Variants in TRIM63 observed in about 807,000 individuals in gnomAD.
TRIM63 encodes the protein E3 ubiquitin-protein ligase TRIM63.
In TRIM63, 48 loss-of-function variants were observed where a neutral mutation model predicts 46.0. The observed-to-expected ratio is 1.04, with a 90% CI of 0.83 to 1.33. The LOEUF (loss-of-function observed/expected upper bound fraction) is 1.33. Among genes scored for constraint, TRIM63 ranks in the 40% most tolerant of loss-of-function variants. The probability of loss-of-function intolerance (pLI) is 0.00; values close to 1 mark genes in which losing one functional copy is unlikely to be tolerated. For missense variants in TRIM63, 455 were observed against 441.2 expected, an observed-to-expected ratio of 1.03 and a Z score of -0.28; for synonymous variants, 175 against 162.8, an observed-to-expected ratio of 1.08 and a Z score of -0.57.
intron 7 of TRIM63, among the ~76,000 whole-genome samples, chr1:26,054,580 AG>A (rs1196392651): frequency 6.6e-6 from 1 of 152,130 alleles, no homozygotes; most frequent in Non-Finnish European, 1.5e-5. Context: ...AAGCTTTAAC[AG>A]GGAACATCTC....
intron 2 of TRIM63, among the ~76,000 whole-genome samples, chr1:26,065,961 T>C (rs1352936805): frequency 6.6e-6 from 1 of 152,270 alleles, no homozygotes; most frequent in Non-Finnish European, 1.5e-5. Flanking sequence ...TTTTCTCTGC[T>C]GACCAGAGCC....
At chr1:26,063,593 C>T (rs1031053930) in intron 2 of TRIM63, among the ~76,000 whole-genome samples, 7 of 152,204 alleles carry the variant, frequency 4.6e-5, no homozygotes, top group African/African-American at 9.6e-5. Context: ...TTCATGCGCC[C>T]GCAGCCCTCC....
chr1:26,053,606 G>C (rs11587619), intron 8 of TRIM63, among the ~76,000 whole-genome samples: 2 of 152,206 alleles, frequency 1.3e-5, no homozygotes, highest in African/African-American at 4.8e-5. Context: ...GCCCAGCCTA[G>C]CTCATGAGCC....
At chr1:26,059,581 G>A (rs1266559522) in intron 4 of TRIM63, among the ~76,000 whole-genome samples, 1 of 152,070 alleles carries the variant, frequency 6.6e-6, no homozygotes, top group East Asian at 1.9e-4. Context: ...CATCAGACCG[G>A]GAGCCTCTCG....
At chr1:26,060,761 G>A (rs1038873831) in intron 3 of TRIM63, among the ~76,000 whole-genome samples, 5 of 152,238 alleles carry the variant, frequency 3.3e-5, no homozygotes, top group Non-Finnish European at 5.9e-5. Context: ...CACGGACAGG[G>A]TGGTGGGCCC....
In TRIM63 at chr1:26,057,317, C is replaced by T; in HGVS notation, c.865G>A (p.Ala289Thr). 3.7e-6 allele frequency: 6 copies of T among 1,614,124 alleles called. No individual in the cohort carries two copies. The highest frequency in any genetic ancestry group is 5.1e-6 in the Non-Finnish European group (6 of 1,180,012). Reference protein sequence around the residue: ...AKQLIKSIVEASKGCQLGKTE... With the variant: ...AKQLIKSIVETSKGCQLGKTE... ...TTCCCCAGCTGGCAGCCCTTGGAAG[C>T]TTCCACAATGCTGCAGGGGAGACAG... The change falls in exon 7 of 9, where the codon GCT (alanine) becomes ACT (threonine). Residue 289 changes from alanine (A) to threonine (T), a missense_variant. Physicochemically the swap from Ala to Thr is moderately conservative, Grantham distance 58. Transcript: ENST00000374272.
intron 1 of TRIM63, 143 bp downstream of exon 1, chr1:26,067,193 G>T: frequency 9.7e-7 from 1 of 1,035,110 alleles, no homozygotes; most frequent in Non-Finnish European, 1.4e-6. Context: ...CCCCCTCTCA[G>T]CCCTGTCCAG....
At position 26,061,426 on chromosome 1, in the gene TRIM63, G is replaced by A; in HGVS notation, c.333-92C>T. 3 of 1,390,238 alleles carry A rather than the reference G, an allele frequency of 2.2e-6. No homozygotes were observed. The South Asian group carries it at 3.9e-5, about 18-fold the overall frequency. The allele number at this position is 1,390,238 out of a possible 1,614,324, so 86.1% of individuals were successfully genotyped here. A position where few individuals can be genotyped will look rare whatever the true frequency, so the allele number is the denominator to read the frequency against. ...TGCACCAGTCGCAGCTACTGGGGAG[G>A]CTGAGGCAGGAGGATTGCTCAGCCC... On this transcript the variant is annotated intron_variant, in intron 2 of 8. Coordinates refer to ENST00000374272, the MANE Select transcript of TRIM63 (RefSeq NM_032588.4).
Position 26,066,330 on chromosome 1 carries a change from G to C in TRIM63, c.270C>G (p.Tyr90Ter). ...CCACCAGCAGGTTCCTCTGCAGGCCGTACACTCCGTGACGATCCATGATCA... is the reference window on the plus strand; with the variant it reads ...CCACCAGCAGGTTCCTCTGCAGGCCCTACACTCCGTGACGATCCATGATCA... ...HEVIMDRHGV[Y>*]GLQRNLLVEN... Residue 90 changes from tyrosine to a stop codon, truncating the protein, a stop_gained, in exon 2 of 9, where the codon TAC (tyrosine) becomes TAG (stop). Transcript: ENST00000374272. LOFTEE classifies it high-confidence loss of function. The C allele has an allele frequency of 6.2e-7, 1 of 1,614,120 alleles. No homozygotes were observed. Among genetic ancestry groups the C allele is most frequent in the East Asian group, 2.2e-5 (1 of 44,880 alleles).
At chr1:26,054,730 G>A (rs2124435884) in intron 7 of TRIM63, among the ~76,000 whole-genome samples, 1 of 152,208 alleles carries the variant, frequency 6.6e-6, no homozygotes, top group African/African-American at 2.4e-5. Flanking sequence ...ACTTTGGGAG[G>A]CTGAGGCGGT....
At chr1:26,052,113 G>A (rs2050527768) in intron 8 of TRIM63, among the ~76,000 whole-genome samples, 1 of 152,204 alleles carries the variant, frequency 6.6e-6, no homozygotes, top group African/African-American at 2.4e-5. Context: ...AACTGGATTG[G>A]AATTTAGTTT....
At chr1:26,054,933 A>G (rs942201246) in intron 7 of TRIM63, among the ~76,000 whole-genome samples, 1 of 149,238 alleles carries the variant, frequency 6.7e-6, no homozygotes, top group Non-Finnish European at 1.5e-5. Context: ...ACACCATTGC[A>G]CTCCAACCTG....
In TRIM63 at chr1:26,058,332, G is replaced by A. The variant is rs1569733982; in HGVS notation, c.831+58C>T. On this transcript the variant is annotated intron_variant, in intron 5 of 8. Transcript: ENST00000374272. ...GGTGGTCAGTGGGGAAGCATAACTT[G>A]AACCTTAGAGCTGTAGAGTTGAACT... The A allele has an allele frequency of 4.1e-6, 6 of 1,478,044 alleles. No individual in the cohort carries two copies. In the East Asian group the frequency reaches 1.4e-4, roughly 34 times the overall value. The allele number at this position is 1,478,044 out of a possible 1,614,324, so 91.6% of individuals were successfully genotyped here.
At position 26,060,308 on chromosome 1, in the gene TRIM63, C is replaced by A; in HGVS notation, c.555G>T (p.Gln185His). The change falls in exon 4 of 9, where the codon CAG becomes CAT. Residue 185 changes from glutamine (Q) to histidine (H), a missense_variant. Coordinates refer to ENST00000374272, the MANE Select transcript of TRIM63 (RefSeq NM_032588.4). The part of the protein sequence containing the change: ...SMLVAGNDRV[Q>H]TIITQLEDSR... Reference sequence around the variant, plus strand: ...AATCCTCCAGCTGAGTGATGATGGTCTGCACACGGTCATTCCCCGCCACCA... The same window carrying A: ...AATCCTCCAGCTGAGTGATGATGGTATGCACACGGTCATTCCCCGCCACCA... The A allele has an allele frequency of 6.2e-7, 1 of 1,614,096 alleles. No individual in the cohort carries two copies. The highest frequency in any genetic ancestry group is 8.5e-7 in the Non-Finnish European group (1 of 1,180,018).
In TRIM63 at chr1:26,056,113, C is replaced by T. The variant is rs190877371; in HGVS notation, c.979+1090G>A. ...AGCTGGTCATTGGAGCACCACCTCT[C>T]AGACCAACGCAACAGTCAGCAATGT... On this transcript the variant is annotated intron_variant, in intron 7 of 8. Coordinates refer to ENST00000374272, the MANE Select transcript of TRIM63 (RefSeq NM_032588.4). Among the ~76,000 whole-genome samples, 11 of 152,326 alleles carry T rather than the reference C, an allele frequency of 7.2e-5. No homozygotes were observed. In the East Asian group the frequency reaches 1.7e-3, roughly 24 times the overall value.
At position 26,066,328 on chromosome 1, in the gene TRIM63, C is replaced by A; in HGVS notation, c.272G>T (p.Gly91Val). 3 of 1,614,176 alleles carry A rather than the reference C, an allele frequency of 1.9e-6. No individual in the cohort carries two copies. Among genetic ancestry groups the A allele is most frequent in the Non-Finnish European group, 1.7e-6 (2 of 1,180,036 alleles). The change falls in exon 2 of 9, where the codon GGC (glycine) becomes GTC (valine). Residue 91 changes from glycine to valine, a missense_variant. By Grantham distance (109) the Gly-to-Val change is moderately radical. Coordinates refer to ENST00000374272, the MANE Select transcript of TRIM63 (RefSeq NM_032588.4). The stretch of plus-strand genomic sequence containing the variant: ...CTCCACCAGCAGGTTCCTCTGCAGG[C>A]CGTACACTCCGTGACGATCCATGAT... The part of the protein sequence containing the change: ...EVIMDRHGVY[G>V]LQRNLLVENI...
At position 26,053,932 on chromosome 1, in the gene TRIM63, C is replaced by A. The variant is rs145591989; in HGVS notation, c.1012G>T (p.Asp338Tyr). 349 of 1,593,182 alleles carry A rather than the reference C, an allele frequency of 2.2e-4. No individual in the cohort carries two copies. Among genetic ancestry groups the A allele is most frequent in the Middle Eastern group, 5.0e-4 (3 of 6,008 alleles). ...TCTGTGGACTCTTCCTCTTCCTGATCTTCTTCTTCAATGAATTCTTCCTCT... is the reference window on the plus strand; with the variant it reads ...TCTGTGGACTCTTCCTCTTCCTGATATTCTTCTTCAATGAATTCTTCCTCT... ...EEEEEFIEEE[D>Y]QEEEESTEGK... The change falls in exon 8 of 9, where the codon GAT (aspartate) becomes TAT (tyrosine). Residue 338 changes from aspartate (D) to tyrosine (Y), a missense_variant. Asp to Tyr is a radical substitution (Grantham distance 160). Coordinates refer to ENST00000374272, the MANE Select transcript of TRIM63 (RefSeq NM_032588.4).
intron 8 of TRIM63, 27 bp from the exon 9 acceptor site, chr1:26,051,910 C>T (rs760250730): frequency 1.5e-6 from 2 of 1,316,138 alleles, no homozygotes; most frequent in East Asian, 5.6e-5. Flanking sequence ...GATACAGAGG[C>T]AAGGGGTGAG....
At chr1:26,054,977 A>G in intron 7 of TRIM63, among the ~76,000 whole-genome samples, 1 of 151,986 alleles carries the variant, frequency 6.6e-6, no homozygotes, top group Non-Finnish European at 1.5e-5. Flanking sequence ...TCAAAAAAAA[A>G]AAAAAAAAAT....
Sources: allele counts gnomAD v4.1 joint callset (sites outside exome capture counted in the v4.1 genomes callset), GRCh38; gene constraint gnomAD v4.1.1; transcripts MANE v1.5; gene names NCBI Gene and HGNC (gene_info 2026-07-23, HGNC 2026-07-21).